C1QTNF9: variants seen among roughly 807,000 people sequenced by gnomAD.
C1QTNF9 encodes the protein C1q and TNF related 9.
A neutral mutation model predicts 10.1 loss-of-function variants in C1QTNF9; 6 were observed. The observed-to-expected ratio is 0.59, with a 90% CI of 0.32 to 1.17. The LOEUF (loss-of-function observed/expected upper bound fraction) is 1.17, where lower values mean the gene tolerates loss of function less well. Among genes scored for constraint, C1QTNF9 ranks in the 50% most tolerant of loss-of-function variants. The pLI is 0.04. For missense variants in C1QTNF9, 201 were observed against 418.8 expected (o/e 0.48, Z 4.54); for synonymous variants, 98 against 163.5 (o/e 0.60, Z 3.06).
At chr13:24,319,446 G>A (rs1233119410) in intron 3 of C1QTNF9, among the ~76,000 whole-genome samples, 2 of 152,148 alleles carry the variant, frequency 1.3e-5, no homozygotes, top group Non-Finnish European at 2.9e-5. Flanking sequence ...GGCTGAGGTG[G>A]GAGGATCGCT....
At chr13:24,313,308 G>T (rs1230487933) in intron 1 of C1QTNF9, among the ~76,000 whole-genome samples, 1 of 152,194 alleles carries the variant, frequency 6.6e-6, no homozygotes, top group African/African-American at 2.4e-5. Flanking sequence ...TTTGCTTCCA[G>T]GCTGGCTTCT....
chr13:24,322,508 C>T (rs1305656252), exon 4 of C1QTNF9: 2 of 152,244 alleles, frequency 1.3e-5, no homozygotes, highest in Middle Eastern at 3.2e-3. Context: ...ATAAAGTACA[C>T]AAACTGGGAG....
At chr13:24,311,788 G>C (rs1360983255) in intron 1 of C1QTNF9, among the ~76,000 whole-genome samples, 1 of 152,222 alleles carries the variant, frequency 6.6e-6, no homozygotes, top group Non-Finnish European at 1.5e-5. Context: ...CTGGTCTGTG[G>C]AGTCATCTGA....
chr13:24,319,092 C>T (rs929556015), intron 3 of C1QTNF9, among the ~76,000 whole-genome samples: 3 of 152,178 alleles, frequency 2.0e-5, no homozygotes, highest in Admixed American at 1.3e-4. Context: ...AGATCTGTCA[C>T]CACTACTCAA....
At chr13:24,311,643 C>T (rs71429878) in intron 1 of C1QTNF9, among the ~76,000 whole-genome samples, 2,416 of 152,258 alleles carry the variant, frequency 0.016, 13 homozygotes, top group Non-Finnish European at 0.019. Flanking sequence ...GAAGAGCGGC[C>T]GCACCTTGGG....
intron 1 of C1QTNF9, among the ~76,000 whole-genome samples, chr13:24,312,879 C>T (rs541381446): frequency 6.0e-5 from 9 of 148,822 alleles, no homozygotes; most frequent in Admixed American, 2.1e-4. Flanking sequence ...GGTGCGAACC[C>T]GGGAGGCAGA....
At chr13:24,315,659 T>C (rs1017116394) in intron 1 of C1QTNF9, 18 of 458,160 alleles carry the variant, frequency 3.9e-5, no homozygotes, top group Non-Finnish European at 6.6e-5. Context: ...GTGAGATAAG[T>C]AAGCATTGAT....
At chr13:24,319,368 G>T (rs1878160814) in intron 3 of C1QTNF9, among the ~76,000 whole-genome samples, 1 of 151,902 alleles carries the variant, frequency 6.6e-6, no homozygotes, top group Admixed American at 6.6e-5. Context: ...GTAAGACTTT[G>T]TCTATACAAA....
chr13:24,320,763 T>A (rs577779086), intron 3 of C1QTNF9, among the ~76,000 whole-genome samples: 1,975 of 151,586 alleles, frequency 0.013, 40 homozygotes, highest in African/African-American at 0.046. Flanking sequence ...GTTGGCCAGG[T>A]TGGTCTTGAA....
At chr13:24,318,772 A>G (rs1878139578) in intron 2 of C1QTNF9, 46 bp from the exon 3 acceptor site, 1 of 1,613,246 alleles carries the variant, frequency 6.2e-7, no homozygotes, top group Non-Finnish European at 8.5e-7. Context: ...CAGAAAAATC[A>G]GAAATGGAAT....
chr13:24,314,582 C>T (rs1178135946), intron 1 of C1QTNF9, among the ~76,000 whole-genome samples: 4 of 151,816 alleles, frequency 2.6e-5, no homozygotes, highest in South Asian at 4.2e-4. Flanking sequence ...CTTGAGAAGC[C>T]GAATTGCTTG....
chr13:24,309,869 A>G (rs1344042801), intron 1 of C1QTNF9, among the ~76,000 whole-genome samples: 1 of 152,082 alleles, frequency 6.6e-6, no homozygotes, highest in African/African-American at 2.4e-5. Flanking sequence ...AGAGAGAAAA[A>G]CCATAGAATA....
rs1189839694 is a variant in C1QTNF9 at position 24,316,178 on chromosome 13, C to A, written c.166+9C>A. ...TGACAAAGGCGATGCAGGTACTCACCTGACGGCTTCGGCTGCCTTTCAACT... is the reference window on the plus strand; with the variant it reads ...TGACAAAGGCGATGCAGGTACTCACATGACGGCTTCGGCTGCCTTTCAACT... On this transcript the variant is annotated intron_variant, in intron 2 of 3. Coordinates refer to ENST00000332018, the Ensembl canonical transcript of C1QTNF9. 21 of 1,569,874 alleles carry A rather than the reference C, an allele frequency of 1.3e-5. No individual in the cohort carries two copies. Among genetic ancestry groups the A allele is most frequent in the Non-Finnish European group, 1.8e-5 (21 of 1,147,880 alleles).
intron 2 of C1QTNF9, among the ~76,000 whole-genome samples, chr13:24,318,580 A>T (rs1432432266): frequency 6.6e-6 from 1 of 151,956 alleles, no homozygotes; most frequent in East Asian, 2.0e-4. Flanking sequence ...CGTCCTAGAG[A>T]TGGGCGCTTG....
upstream of C1QTNF9, among the ~76,000 whole-genome samples, chr13:24,309,305 A>ATATATATATATATATATATG (rs1283012806): frequency 1.5e-5 from 2 of 132,344 alleles, no homozygotes; most frequent in African/African-American, 5.8e-5. Context: ...ATATATATAT[A>ATATATATATATATATATATG]TATGAAAGAA....
intron 1 of C1QTNF9, among the ~76,000 whole-genome samples, chr13:24,310,330 T>C (rs2138798860): frequency 6.6e-6 from 1 of 151,072 alleles, no homozygotes; most frequent in East Asian, 2.0e-4. Flanking sequence ...CTTTTTTTTT[T>C]TTTTTTGTAT....
At chr13:24,312,509 C>T (rs1325432256) in intron 1 of C1QTNF9, among the ~76,000 whole-genome samples, 1 of 152,084 alleles carries the variant, frequency 6.6e-6, no homozygotes, top group Non-Finnish European at 1.5e-5. Context: ...AGGGTCCAAC[C>T]CATAGCTTTG....
At chr13:24,310,785 G>A (rs1270354959) in intron 1 of C1QTNF9, among the ~76,000 whole-genome samples, 18 of 151,694 alleles carry the variant, frequency 1.2e-4, no homozygotes, top group African/African-American at 4.4e-4. Flanking sequence ...GGTGGTGGGC[G>A]CCTGTAGTCC....
exon 4 of C1QTNF9, chr13:24,321,938 G>A: frequency 1.2e-6 from 1 of 860,350 alleles, no homozygotes. Context: ...TATTTTTCCA[G>A]GAGTAAATAT....
Sources: allele counts gnomAD v4.1 joint callset (sites outside exome capture counted in the v4.1 genomes callset), GRCh38; gene constraint gnomAD v4.1.1; transcripts MANE v1.5; gene names NCBI Gene and HGNC (gene_info 2026-07-23, HGNC 2026-07-21).